The following CPM variants were observed in gnomAD, a reference collection of about 807,000 sequenced individuals.
CPM encodes renal carboxypeptidase.
A neutral mutation model predicts 46.4 loss-of-function variants in CPM; 35 were observed. That is an observed-to-expected ratio of 0.75 (90% CI 0.58 to 1.00). The LOEUF is 1.00. CPM is among the 50% of genes least tolerant of loss of function. The probability of loss-of-function intolerance (pLI) is 0.00; values close to 1 mark genes in which losing one functional copy is unlikely to be tolerated. For missense variants in CPM, 422 were observed against 530.4 expected (o/e 0.80, Z 2.01); for synonymous variants, 195 against 195.3 (o/e 1.00, Z 0.01).
intron 1 of CPM, among the ~76,000 whole-genome samples, chr12:68,942,977 T>C (rs569017442): frequency 1.3e-4 from 20 of 152,294 alleles, no homozygotes; most frequent in African/African-American, 4.8e-4. Flanking sequence ...ACACCCCAAA[T>C]AGAGTGAGTG....
At chr12:68,926,831 G>A (rs1888284078) in intron 2 of CPM, among the ~76,000 whole-genome samples, 1 of 151,980 alleles carries the variant, frequency 6.6e-6, no homozygotes. Flanking sequence ...TTTTGTTCTT[G>A]CGATAGTTTA....
chr12:68,932,126 C>T (rs1302345052), intron 2 of CPM, among the ~76,000 whole-genome samples: 3 of 152,066 alleles, frequency 2.0e-5, no homozygotes, highest in Non-Finnish European at 4.4e-5. Flanking sequence ...TAATTATACA[C>T]GACACAAATC....
upstream of CPM, among the ~76,000 whole-genome samples, chr12:68,937,844 G>A (rs574114446): frequency 2.3e-4 from 35 of 152,142 alleles, no homozygotes; most frequent in Non-Finnish European, 3.7e-4. Flanking sequence ...AACAATGAAG[G>A]CATTTTAATT....
At chr12:68,901,443 T>C (rs1887108364) in intron 2 of CPM, among the ~76,000 whole-genome samples, 1 of 152,178 alleles carries the variant, frequency 6.6e-6, no homozygotes, top group South Asian at 2.1e-4. Context: ...AGAGCTATAC[T>C]AACCATATTA....
intron 1 of CPM, among the ~76,000 whole-genome samples, chr12:68,949,975 G>A (rs536117871): frequency 6.6e-6 from 1 of 152,294 alleles, no homozygotes; most frequent in Admixed American, 6.5e-5. Context: ...TTGTTGGCTT[G>A]CATTGGGCGA....
At chr12:68,878,393 T>C (rs947622951) in intron 3 of CPM, among the ~76,000 whole-genome samples, 1 of 152,182 alleles carries the variant, frequency 6.6e-6, no homozygotes, top group African/African-American at 2.4e-5. Flanking sequence ...CCCCAATTGC[T>C]CAGAGGGATA....
intron 3 of CPM, among the ~76,000 whole-genome samples, chr12:68,881,451 G>A (rs1886186149): frequency 6.6e-6 from 1 of 152,190 alleles, no homozygotes; most frequent in African/African-American, 2.4e-5. Context: ...CCTGATTTGG[G>A]TAATTTTAGA....
At chr12:68,871,150 C>T (rs1885676123) in intron 4 of CPM, among the ~76,000 whole-genome samples, 1 of 152,186 alleles carries the variant, frequency 6.6e-6, no homozygotes, top group South Asian at 2.1e-4. Flanking sequence ...AATCAGAGCT[C>T]CTTCAAGACC....
chr12:68,844,455 G>A (rs1032805463), intron 5 of CPM: 27 of 228,228 alleles, frequency 1.2e-4, no homozygotes, highest in Admixed American at 6.2e-4. Context: ...TCACATGGCA[G>A]CCTGGCCTAA....
At chr12:68,890,272 T>C (rs1310658768) in intron 2 of CPM, among the ~76,000 whole-genome samples, 4 of 152,072 alleles carry the variant, frequency 2.6e-5, no homozygotes, top group Non-Finnish European at 5.9e-5. Context: ...CCTACAGGAT[T>C]GAAAATGGCA....
At chr12:68,843,421 T>G in intron 5 of CPM, 1 of 230,298 alleles carries the variant, frequency 4.3e-6, no homozygotes, top group Non-Finnish European at 8.6e-6. Context: ...CCATTGTATG[T>G]GAAACAGTAC....
intron 2 of CPM, among the ~76,000 whole-genome samples, chr12:68,905,866 T>G (rs1887323358): frequency 6.6e-6 from 1 of 152,118 alleles, no homozygotes. Flanking sequence ...ATATAGCAAG[T>G]GTTTAGAGTA....
chr12:68,872,053 A>G, intron 3 of CPM, 97 bp from the exon 4 acceptor site: 3 of 1,226,278 alleles, frequency 2.4e-6, no homozygotes, highest in South Asian at 2.8e-5. Context: ...GTCTCTACAC[A>G]TGATATCTCA....
chr12:68,934,412 T>G (rs1041899167), upstream of CPM, among the ~76,000 whole-genome samples: 1 of 152,198 alleles, frequency 6.6e-6, no homozygotes, highest in South Asian at 2.1e-4. Flanking sequence ...CTTACAGATA[T>G]AGATACTTTT....
intron 1 of CPM, among the ~76,000 whole-genome samples, chr12:68,962,858 A>C (rs968937901): frequency 6.6e-6 from 1 of 152,256 alleles, no homozygotes; most frequent in Non-Finnish European, 1.5e-5. Context: ...TCTTTCAACC[A>C]ATTGCAAATC....
intron 7 of CPM, among the ~76,000 whole-genome samples, chr12:68,861,093 G>A (rs767909000): frequency 1.3e-5 from 2 of 151,988 alleles, no homozygotes; most frequent in Admixed American, 6.6e-5. Flanking sequence ...TGTTGCACAG[G>A]CTAGTCTTGA....
chr12:68,882,774 T>C (rs1487315158), intron 3 of CPM, among the ~76,000 whole-genome samples: 2 of 152,246 alleles, frequency 1.3e-5, no homozygotes, highest in East Asian at 3.8e-4. Context: ...TGAGATGATA[T>C]CTCATTGTGG....
chr12:68,953,642 C>T (rs1020741067), intron 1 of CPM, among the ~76,000 whole-genome samples: 1 of 152,184 alleles, frequency 6.6e-6, no homozygotes, highest in Non-Finnish European at 1.5e-5. Context: ...AAGCTCAGTC[C>T]CTGCCCTGAT....
At chr12:68,880,365 A>G (rs1293930425) in intron 3 of CPM, among the ~76,000 whole-genome samples, 1 of 152,132 alleles carries the variant, frequency 6.6e-6, no homozygotes, top group Non-Finnish European at 1.5e-5. Context: ...TCAGCTCCCC[A>G]GCAGTCAAGG....
Sources: allele counts gnomAD v4.1 joint callset (sites outside exome capture counted in the v4.1 genomes callset), GRCh38; gene constraint gnomAD v4.1.1; transcripts MANE v1.5; gene names NCBI Gene and HGNC (gene_info 2026-07-23, HGNC 2026-07-21).